The following KIF3C variants were observed in gnomAD, a reference collection of about 807,000 sequenced individuals.
The protein encoded by KIF3C is kinesin family member 3C.
In KIF3C, 12 loss-of-function variants were observed where a neutral mutation model predicts 67.7. The observed-to-expected ratio is 0.18, with a 90% CI of 0.11 to 0.29. KIF3C has a LOEUF of 0.29. Ranked by LOEUF, KIF3C falls within the 10% of genes least tolerant of loss-of-function variation. KIF3C has a pLI of 1.00. For synonymous variants in KIF3C, 393 were observed against 426.2 expected, an observed-to-expected ratio of 0.92 and a Z score of 0.96; for missense variants, 789 against 1,059.6, an observed-to-expected ratio of 0.74 and a Z score of 3.55.
chr2:25,963,665 G>GTAT (rs72088886), intron 1 of KIF3C, among the ~76,000 whole-genome samples: 12,239 of 125,612 alleles, frequency 0.097, 557 homozygotes, highest in African/African-American at 0.12. Flanking sequence ...TAGGCATGAA[G>GTAT]TATTATTATT....
chr2:25,972,840 C>G (rs1016914229), intron 1 of KIF3C, among the ~76,000 whole-genome samples: 1 of 152,138 alleles, frequency 6.6e-6, no homozygotes, highest in Non-Finnish European at 1.5e-5. Flanking sequence ...TCTACCTCCC[C>G]ACCTCTTTCT....
intron 1 of KIF3C, among the ~76,000 whole-genome samples, chr2:25,971,870 GC>G (rs1231298015): frequency 3.1e-5 from 2 of 63,940 alleles, no homozygotes; most frequent in Non-Finnish European, 3.8e-5. Context: ...ACCATGCCTA[GC>G]TTTTTTTTTT....
chr2:25,961,214 CAGAGGTTATTCAAAGTT>C (rs1663935904), intron 1 of KIF3C, among the ~76,000 whole-genome samples: 1 of 152,158 alleles, frequency 6.6e-6, no homozygotes, highest in African/African-American at 2.4e-5. Context: ...GGCTGCACAT[CAGAGGTTATTCAAAGTT>C]ACATGGGGAG....
At chr2:25,963,482 C>A (rs1664060350) in intron 1 of KIF3C, among the ~76,000 whole-genome samples, 1 of 150,478 alleles carries the variant, frequency 6.6e-6, no homozygotes, top group African/African-American at 2.4e-5. Context: ...TGTGAGCCAC[C>A]ACTCCCAGCC....
chr2:25,962,932 C>CATATAATAT lies in KIF3C; in HGVS notation c.1546-6497_1546-6489dup, dbSNP rs1401195505. ...TATATAATATATATAATATATAATACATATAATATATAATATATAATATAT... is the reference window on the plus strand; with the variant it reads ...TATATAATATATATAATATATAATACATATAATATATATAATATATAATATATAATATAT... On this transcript the variant is annotated intron_variant, in intron 1 of 7. Transcript: ENST00000264712. Among the ~76,000 whole-genome samples, 72 of 36,558 alleles carry CATATAATAT rather than the reference C, an allele frequency of 2.0e-3. 8 individuals are homozygous for CATATAATAT. The highest frequency in any genetic ancestry group is 8.8e-3 in the African/African-American group (62 of 7,038). The allele number at this position is 36,558 out of a possible 152,430, so 24.0% of individuals were successfully genotyped here.
In KIF3C at chr2:25,933,488, T is replaced by G. The variant is rs184880051; in HGVS notation, c.2007-3425A>C. 1.2e-4 allele frequency among the ~76,000 whole-genome samples: 18 copies of G among 151,568 alleles called. No individual in the cohort carries two copies. In the East Asian group the frequency reaches 2.9e-3, roughly 24 times the overall value. ...AAATTTGAGTCCAGCCTGGGCAACATAGCAAGACCCTGTCTCTACAAAAAA... is the reference window on the plus strand; with the variant it reads ...AAATTTGAGTCCAGCCTGGGCAACAGAGCAAGACCCTGTCTCTACAAAAAA... On this transcript the variant is annotated intron_variant, in intron 5 of 7. Transcript: ENST00000264712.
At chr2:25,966,699 G>C (rs1664148915) in intron 1 of KIF3C, among the ~76,000 whole-genome samples, 1 of 152,192 alleles carries the variant, frequency 6.6e-6, no homozygotes, top group Admixed American at 6.5e-5. Context: ...CACTCTTCTG[G>C]AAAGATAGCA....
At position 25,982,333 on chromosome 2, in the gene KIF3C, G is replaced by C. The variant is rs1574502378; in HGVS notation, c.-416C>G. On this transcript the variant is annotated 5_prime_UTR_variant, in exon 1 of 8. Transcript: ENST00000264712. The stretch of plus-strand genomic sequence containing the variant: ...CCTTCCTCTAGGGATCCATAGCGTG[G>C]GCTGCCGGTCGTGGGCGGCCGGGGG... The C allele has an allele frequency of 2.0e-5, 8 of 399,102 alleles. No individual in the cohort carries two copies. In the East Asian group the frequency reaches 2.8e-4, roughly 14 times the overall value. The allele number at this position is 399,102 out of a possible 1,614,324, so 24.7% of individuals were successfully genotyped here.
chr2:25,946,247 G>C (rs1663430026), intron 5 of KIF3C, among the ~76,000 whole-genome samples: 1 of 152,154 alleles, frequency 6.6e-6, no homozygotes, highest in Admixed American at 6.5e-5. Flanking sequence ...AGGACAGTGG[G>C]AAGAATCACA....
intron 1 of KIF3C, among the ~76,000 whole-genome samples, chr2:25,968,219 G>T (rs145353918): frequency 4.0e-4 from 61 of 152,304 alleles, no homozygotes; most frequent in Admixed American, 2.9e-3. Flanking sequence ...ACAAAAATCA[G>T]GAGACTGAGT....
chr2:25,942,558 A>G (rs999651956), intron 5 of KIF3C, among the ~76,000 whole-genome samples: 5 of 151,650 alleles, frequency 3.3e-5, no homozygotes, highest in East Asian at 2.0e-4. Flanking sequence ...TTACAGGCAT[A>G]TGCCACCACA....
intron 5 of KIF3C, among the ~76,000 whole-genome samples, chr2:25,947,104 G>A (rs1233083842): frequency 2.0e-5 from 3 of 152,068 alleles, no homozygotes; most frequent in Non-Finnish European, 4.4e-5. Context: ...GAAATGAGCC[G>A]AGATTGTGCC....
rs975170459 is a variant in KIF3C, at chr2:25,954,929, T to A, written c.1771-544A>T. Among the ~76,000 whole-genome samples the A allele has an allele frequency of 1.1e-4, 17 of 152,270 alleles. No individual in the cohort carries two copies. In the South Asian group the frequency reaches 2.3e-3, roughly 20 times the overall value. On this transcript the variant is annotated intron_variant, in intron 3 of 7. Transcript: ENST00000264712. ...AAGCCACTGAGGGCTGGGTCCGTGG[T>A]AACTGCCACAGTGGCAGTGCCTCTG...
chr2:25,951,915 G>C lies in KIF3C; in HGVS notation c.1890-10C>G, dbSNP rs771150357. 6.3e-7 allele frequency: 1 copy of C among 1,579,960 alleles called. No homozygotes were observed. The highest frequency in any genetic ancestry group is 1.7e-5 in the Admixed American group (1 of 59,954). On this transcript the variant is annotated splice_polypyrimidine_tract_variant and intron_variant, in intron 4 of 7. Coordinates refer to ENST00000264712, the MANE Select transcript of KIF3C (RefSeq NM_002254.8). Reference sequence around the variant, plus strand: ...CTCGATGATTAGGTACCTGGGAGCAGGAATGAAGGAGTGATGGGAAAATGG... The same window carrying C: ...CTCGATGATTAGGTACCTGGGAGCACGAATGAAGGAGTGATGGGAAAATGG...
intron 5 of KIF3C, among the ~76,000 whole-genome samples, chr2:25,949,236 C>T (rs765116311): frequency 6.6e-6 from 1 of 151,970 alleles, no homozygotes; most frequent in Non-Finnish European, 1.5e-5. Context: ...GAAGGGTATA[C>T]GAGAATTCTT....
At chr2:25,949,947 G>T (rs892405930) in intron 5 of KIF3C, among the ~76,000 whole-genome samples, 2 of 151,622 alleles carry the variant, frequency 1.3e-5, no homozygotes, top group African/African-American at 4.8e-5. Context: ...CTCCAGCCTG[G>T]GCGAAAGAGC....
In KIF3C at chr2:25,929,962, C is replaced by T; in HGVS notation, c.2108G>A (p.Arg703Lys). Residue 703 changes from arginine (R) to lysine (K), a missense_variant, in exon 6 of 8, where the codon AGG becomes AAG. Transcript: ENST00000264712. ...RVAMAMGSHP[R>K]YRAENIMFLE... is the part of the protein sequence containing the mutation. ...CCCCTCTCCGCTTCTTACCCTGTAC[C>T]TGGGGTGGGACCCCATTGCCATGGC... 1 of 1,607,482 alleles carries T rather than the reference C, an allele frequency of 6.2e-7. No individual in the cohort carries two copies. Among genetic ancestry groups the T allele is most frequent in the East Asian group, 2.2e-5 (1 of 44,850 alleles).
At chr2:25,968,897 C>T (rs1664209480) in intron 1 of KIF3C, among the ~76,000 whole-genome samples, 1 of 151,966 alleles carries the variant, frequency 6.6e-6, no homozygotes, top group Non-Finnish European at 1.5e-5. Context: ...GATCTCGGCT[C>T]ACCGCAACAT....
At chr2:25,953,817 G>A (rs983198411) in intron 4 of KIF3C, among the ~76,000 whole-genome samples, 16 of 151,608 alleles carry the variant, frequency 1.1e-4, no homozygotes, top group Admixed American at 9.2e-4. Flanking sequence ...ACAAGTGCGC[G>A]CCACCATGCC....
Sources: allele counts gnomAD v4.1 joint callset (sites outside exome capture counted in the v4.1 genomes callset), GRCh38; gene constraint gnomAD v4.1.1; transcripts MANE v1.5; gene names NCBI Gene and HGNC (gene_info 2026-07-23, HGNC 2026-07-21).